Variants in HIP1 observed in about 807,000 individuals in gnomAD.
HIP1 encodes the protein huntingtin-interacting protein 1.
HIP1 carries 65 observed loss-of-function variants against 147.6 expected under a neutral mutation model. The ratio of observed to expected loss-of-function variants is 0.44; its 90% CI spans 0.36 to 0.54. The LOEUF (loss-of-function observed/expected upper bound fraction) is 0.54, where lower values mean the gene tolerates loss of function less well. HIP1 is among the 20% of genes least tolerant of loss of function. The probability of loss-of-function intolerance (pLI) is 0.00; values close to 1 mark genes in which losing one functional copy is unlikely to be tolerated. For missense variants in HIP1, 1,061 were observed against 1,299.6 expected (o/e 0.82, Z 2.82); for synonymous variants, 479 against 504.0 (o/e 0.95, Z 0.67).
In HIP1 at chr7:75,556,064, C is replaced by G. The variant is rs1298976549; in HGVS notation, c.1789G>C (p.Glu597Gln). The G allele has an allele frequency of 1.2e-6, 2 of 1,614,196 alleles. No individual in the cohort carries two copies. The highest frequency in any genetic ancestry group is 1.7e-6 in the Non-Finnish European group (2 of 1,180,032). Residue 597 changes from glutamate to glutamine, a missense_variant, in exon 18 of 31, where the codon GAA becomes CAA. By Grantham distance (29) the Glu-to-Gln change is conservative. This residue lies in a region of HIP1 where 810 missense variants were observed against 946.8 expected (regional missense o/e 0.86). Coordinates refer to ENST00000336926, the MANE Select transcript of HIP1 (RefSeq NM_005338.7). ...REEELSALRK[E>Q]LQDTQLKLAS... ...AGTTTGAGCTGAGTGTCCTGCAGTT[C>G]TTTCCGAAGAGCAGATAATTCCTCC...
chr7:75,669,114 C>T (rs1799654458), intron 1 of HIP1, among the ~76,000 whole-genome samples: 1 of 152,012 alleles, frequency 6.6e-6, no homozygotes, highest in Non-Finnish European at 1.5e-5. Context: ...GCCTGTAATC[C>T]CAGCACTTTG....
intron 1 of HIP1, among the ~76,000 whole-genome samples, chr7:75,615,267 C>T (rs1229051430): frequency 1.3e-5 from 2 of 151,858 alleles, no homozygotes; most frequent in Non-Finnish European, 2.9e-5. Context: ...AGGAAGTGGA[C>T]CCTGTGGCCA....
intron 1 of HIP1, among the ~76,000 whole-genome samples, chr7:75,729,879 G>A (rs2117402336): frequency 6.6e-6 from 1 of 152,280 alleles, no homozygotes; most frequent in Admixed American, 6.5e-5. Context: ...AGGATGAGAT[G>A]ACAAAAATCC....
intron 1 of HIP1, among the ~76,000 whole-genome samples, chr7:75,634,004 C>T (rs1798332865): frequency 6.6e-6 from 1 of 151,922 alleles, no homozygotes; most frequent in South Asian, 2.1e-4. Flanking sequence ...ACCTGTAATC[C>T]CAGCAATTTG....
Position 75,535,403 on chromosome 7 carries a change from C to T in HIP1, c.*2769G>A, listed in dbSNP as rs1009289676. 24 of 184,456 alleles carry T rather than the reference C, an allele frequency of 1.3e-4. No homozygotes were observed. Among genetic ancestry groups the T allele is most frequent in the Non-Finnish European group, 2.5e-4 (22 of 87,172 alleles). 11.4% of individuals were successfully genotyped at this position (184,456 alleles called of 1,614,324 possible). A position where few individuals can be genotyped will look rare whatever the true frequency, so the allele number is the denominator to read the frequency against. On this transcript the variant is annotated 3_prime_UTR_variant, in exon 31 of 31. Transcript: ENST00000336926. ...CAGGGTCTCACTCTGTCACCCAGGC[C>T]GGAGTGCACTGGCACAATCAGGGCT...
chr7:75,578,923 C>A (rs1795938544), intron 7 of HIP1, among the ~76,000 whole-genome samples: 2 of 151,918 alleles, frequency 1.3e-5, no homozygotes, highest in African/African-American at 4.8e-5. Context: ...TCAAGCAATT[C>A]TCCTGCCTCA....
At chr7:75,648,866 G>A (rs1798887817) in intron 1 of HIP1, among the ~76,000 whole-genome samples, 1 of 152,090 alleles carries the variant, frequency 6.6e-6, no homozygotes, top group East Asian at 1.9e-4. Context: ...AGCACTTTAG[G>A]AGGCCAAGAT....
intron 1 of HIP1, among the ~76,000 whole-genome samples, chr7:75,696,247 C>G (rs1800630269): frequency 1.3e-5 from 2 of 151,742 alleles, no homozygotes; most frequent in African/African-American, 4.8e-5. Flanking sequence ...TTCGGCTTCC[C>G]AAAGTGCTGG....
At chr7:75,612,239 G>A (rs1356812993) in intron 1 of HIP1, among the ~76,000 whole-genome samples, 1 of 152,214 alleles carries the variant, frequency 6.6e-6, no homozygotes, top group African/African-American at 2.4e-5. Context: ...GGCCGGGCAC[G>A]GTGGCTCCAC....
intron 1 of HIP1, among the ~76,000 whole-genome samples, chr7:75,688,518 G>A (rs1284287818): frequency 1.3e-5 from 2 of 152,108 alleles, no homozygotes; most frequent in South Asian, 2.1e-4. Flanking sequence ...CTGACAGGAA[G>A]CCGCACTAAG....
intron 1 of HIP1, among the ~76,000 whole-genome samples, chr7:75,703,144 G>A (rs1396916066): frequency 6.6e-6 from 1 of 152,142 alleles, no homozygotes; most frequent in Non-Finnish European, 1.5e-5. Flanking sequence ...GAAGTCAGGG[G>A]TCAAGACCAG....
chr7:75,560,258 G>C (rs1554494329), intron 13 of HIP1, among the ~76,000 whole-genome samples: 1 of 151,436 alleles, frequency 6.6e-6, no homozygotes, highest in East Asian at 1.9e-4. Flanking sequence ...TTTGGCGGTT[G>C]GGGGAGGGGA....
intron 1 of HIP1, among the ~76,000 whole-genome samples, chr7:75,647,366 C>G (rs1290694300): frequency 6.6e-6 from 1 of 152,038 alleles, no homozygotes; most frequent in African/African-American, 2.4e-5. Context: ...CCACTGCACT[C>G]CAGCCTGGGT....
chr7:75,728,960 A>G (rs988469847), intron 1 of HIP1, among the ~76,000 whole-genome samples: 2 of 151,096 alleles, frequency 1.3e-5, no homozygotes, highest in African/African-American at 2.4e-5. Flanking sequence ...GGGGTGAAAA[A>G]CTACCTATGG....
At chr7:75,603,174 G>C (rs1292646871) in intron 1 of HIP1, among the ~76,000 whole-genome samples, 1 of 151,614 alleles carries the variant, frequency 6.6e-6, no homozygotes, top group Non-Finnish European at 1.5e-5. Flanking sequence ...CAGCGAAACC[G>C]TGTCTCTACT....
chr7:75,644,382 C>T (rs1798739172), intron 1 of HIP1, among the ~76,000 whole-genome samples: 1 of 152,126 alleles, frequency 6.6e-6, no homozygotes, highest in East Asian at 1.9e-4. Context: ...GCAACCTCCG[C>T]CTCCCAGGTT....
intron 1 of HIP1, among the ~76,000 whole-genome samples, chr7:75,677,914 T>C (rs1290302724): frequency 6.6e-6 from 1 of 152,152 alleles, no homozygotes; most frequent in Non-Finnish European, 1.5e-5. Flanking sequence ...TCTGATCAAA[T>C]GGTACTTCAT....
At chr7:75,552,518 T>TAA (rs11401621) in intron 22 of HIP1, among the ~76,000 whole-genome samples, 1 of 150,538 alleles carries the variant, frequency 6.6e-6, no homozygotes, top group Admixed American at 6.6e-5. Context: ...CCTGTCTAAT[T>TAA]AAAAAAAAAA....
At chr7:75,553,313 C>T in intron 22 of HIP1, 140 bp downstream of exon 22, 1 of 1,120,348 alleles carries the variant, frequency 8.9e-7, no homozygotes, top group South Asian at 1.4e-5. Context: ...GCCAGATTTT[C>T]CAATTTTAAC....
Sources: allele counts gnomAD v4.1 joint callset (sites outside exome capture counted in the v4.1 genomes callset), GRCh38; gene constraint gnomAD v4.1.1; regional missense constraint gnomAD v4.1.1; transcripts MANE v1.5; gene names NCBI Gene and HGNC (gene_info 2026-07-23, HGNC 2026-07-21).